The following ADAM22 variants were observed in gnomAD, a reference collection of about 807,000 sequenced individuals.
The protein encoded by ADAM22 is ADAM metallopeptidase domain 22.
In ADAM22, 65 loss-of-function variants were observed where a neutral mutation model predicts 144.6. The observed-to-expected ratio is 0.45, with a 90% CI of 0.37 to 0.55. The LOEUF (loss-of-function observed/expected upper bound fraction) is 0.55. ADAM22 is among the 20% of genes least tolerant of loss of function. The pLI, the probability that ADAM22 is intolerant of heterozygous loss-of-function variation, is 0.00. For missense variants in ADAM22, 974 were observed against 1,184.9 expected (o/e 0.82, Z 2.61); for synonymous variants, 391 against 412.6 (o/e 0.95, Z 0.63).
chr7:88,124,618 T>G (rs1830017596), intron 7 of ADAM22, among the ~76,000 whole-genome samples: 1 of 151,998 alleles, frequency 6.6e-6, no homozygotes, highest in East Asian at 1.9e-4. Flanking sequence ...TGAGATGGGT[T>G]ACTTTTGTAA....
intron 3 of ADAM22, among the ~76,000 whole-genome samples, chr7:88,069,803 G>C (rs1400089212): frequency 2.0e-5 from 3 of 152,144 alleles, no homozygotes; most frequent in Non-Finnish European, 4.4e-5. Flanking sequence ...GACTGCAGTA[G>C]ATACTCCTGT....
At chr7:87,949,457 A>T (rs370305423) in intron 2 of ADAM22, among the ~76,000 whole-genome samples, 29 of 152,352 alleles carry the variant, frequency 1.9e-4, no homozygotes, top group Middle Eastern at 3.4e-3. Context: ...GTCTTTTCCA[A>T]CAAAAATAAA....
At chr7:87,955,132 A>G (rs917697337) in intron 2 of ADAM22, among the ~76,000 whole-genome samples, 25 of 152,084 alleles carry the variant, frequency 1.6e-4, no homozygotes, top group African/African-American at 5.6e-4. Context: ...TCTTCTCTCA[A>G]CTCGTCAAAG....
intron 3 of ADAM22, among the ~76,000 whole-genome samples, chr7:88,064,987 T>C (rs1331431268): frequency 1.3e-5 from 2 of 152,118 alleles, no homozygotes; most frequent in African/African-American, 4.8e-5. Context: ...TCAAAATTGT[T>C]AACTATTATT....
At chr7:88,081,555 C>A (rs1332576089) in intron 4 of ADAM22, among the ~76,000 whole-genome samples, 1 of 151,600 alleles carries the variant, frequency 6.6e-6, no homozygotes, top group Non-Finnish European at 1.5e-5. Flanking sequence ...CAAATTGTCC[C>A]TGTTTGCAGA....
chr7:88,072,642 A>G (rs1813130481), intron 3 of ADAM22, among the ~76,000 whole-genome samples: 1 of 152,182 alleles, frequency 6.6e-6, no homozygotes, highest in African/African-American at 2.4e-5. Context: ...GTTTCTTTTA[A>G]GTGTCAACTT....
intron 2 of ADAM22, among the ~76,000 whole-genome samples, chr7:87,971,724 CT>C (rs1421246056): frequency 2.0e-5 from 3 of 152,186 alleles, no homozygotes; most frequent in Non-Finnish European, 4.4e-5. Context: ...TGGTATTATA[CT>C]GATTCTCTCT....
At chr7:88,005,546 T>G in intron 3 of ADAM22, among the ~76,000 whole-genome samples, 1 of 152,160 alleles carries the variant, frequency 6.6e-6, no homozygotes, top group Admixed American at 6.5e-5. Flanking sequence ...CAGGCTCAGA[T>G]CTTGATCCTA....
At chr7:87,953,727 A>T (rs1002867708) in intron 2 of ADAM22, among the ~76,000 whole-genome samples, 1 of 151,972 alleles carries the variant, frequency 6.6e-6, no homozygotes, top group South Asian at 2.1e-4. Context: ...GATCTGTCTA[A>T]TGTTGATAGT....
chr7:88,119,838 C>T (rs1015565090), intron 7 of ADAM22, among the ~76,000 whole-genome samples: 6 of 152,126 alleles, frequency 3.9e-5, no homozygotes, highest in Non-Finnish European at 8.8e-5. Context: ...AGGTTGTTTC[C>T]GGTTTTTGAC....
intron 3 of ADAM22, among the ~76,000 whole-genome samples, chr7:87,990,239 A>C (rs1789476702): frequency 6.6e-6 from 1 of 152,210 alleles, no homozygotes; most frequent in African/African-American, 2.4e-5. Context: ...TAAAAGAGGT[A>C]TGGCCAGTGG....
Position 88,200,895 on chromosome 7 carries a change from AG to A in ADAM22, c.*4408del, listed in dbSNP as rs1370624420. On this transcript the variant is annotated 3_prime_UTR_variant, in exon 32 of 32. Coordinates refer to ENST00000413139, the MANE Select transcript of ADAM22 (RefSeq NM_001324418.2). ...TTCCCATTGATAGTATAATATAATG[AG>A]GGGCCCAGTCTGCTCTTGTGAAAAT... The A allele has an allele frequency of 1.3e-5, 2 of 152,250 alleles. No individual in the cohort carries two copies. The highest frequency in any genetic ancestry group is 2.9e-5 in the Non-Finnish European group (2 of 68,064). The allele number at this position is 152,250 out of a possible 1,614,324, so 9.4% of individuals were successfully genotyped here. A position where few individuals can be genotyped will look rare whatever the true frequency, so the allele number is the denominator to read the frequency against.
At chr7:87,953,571 C>T (rs1562837688) in intron 2 of ADAM22, among the ~76,000 whole-genome samples, 2 of 152,022 alleles carry the variant, frequency 1.3e-5, no homozygotes, top group Non-Finnish European at 2.9e-5. Flanking sequence ...ACTATGTGGT[C>T]AATTTTGGAA....
intron 3 of ADAM22, among the ~76,000 whole-genome samples, chr7:87,990,335 C>A (rs1048281144): frequency 1.3e-5 from 2 of 152,172 alleles, no homozygotes; most frequent in Admixed American, 6.5e-5. Flanking sequence ...AGACACTAAC[C>A]TTTGCTCATT....
intron 4 of ADAM22, among the ~76,000 whole-genome samples, chr7:88,098,017 A>C (rs944083630): frequency 1.3e-5 from 2 of 152,146 alleles, no homozygotes; most frequent in African/African-American, 4.8e-5. Flanking sequence ...TCTGCATTAC[A>C]GTAATCTGTT....
intron 26 of ADAM22, among the ~76,000 whole-genome samples, chr7:88,177,445 ATAAC>A (rs1215323692): frequency 1.3e-5 from 2 of 152,186 alleles, no homozygotes; most frequent in East Asian, 1.9e-4. Flanking sequence ...AAAAGAAAGA[ATAAC>A]TATTATGAGC....
intron 29 of ADAM22, among the ~76,000 whole-genome samples, chr7:88,183,584 A>G (rs1847614934): frequency 6.6e-6 from 1 of 152,084 alleles, no homozygotes; most frequent in Non-Finnish European, 1.5e-5. Flanking sequence ...TAAAATTGTA[A>G]TACTACAGAT....
chr7:88,104,247 G>A (rs1410281384), intron 4 of ADAM22, among the ~76,000 whole-genome samples: 1 of 152,098 alleles, frequency 6.6e-6, no homozygotes, highest in Admixed American at 6.6e-5. Flanking sequence ...AAAGTCAAGT[G>A]GCTGAACAGT....
intron 14 of ADAM22, among the ~76,000 whole-genome samples, chr7:88,140,819 G>C (rs1834395231): frequency 6.6e-6 from 1 of 152,158 alleles, no homozygotes; most frequent in South Asian, 2.1e-4. Context: ...CTGGGCAACA[G>C]AGTGAGACCC....
Sources: allele counts gnomAD v4.1 joint callset (sites outside exome capture counted in the v4.1 genomes callset), GRCh38; gene constraint gnomAD v4.1.1; transcripts MANE v1.5; gene names NCBI Gene and HGNC (gene_info 2026-07-23, HGNC 2026-07-21).